The following PIP5KL1 variants were observed in gnomAD, a reference collection of about 807,000 sequenced individuals.
PIP5KL1 encodes the protein phosphatidylinositol-4-phosphate 5-kinase like 1.
A neutral mutation model predicts 47.6 loss-of-function variants in PIP5KL1; 45 were observed. The ratio of observed to expected loss-of-function variants is 0.94; its 90% CI spans 0.74 to 1.21. PIP5KL1 has a LOEUF of 1.21. Among genes scored for constraint, PIP5KL1 ranks in the 50% most tolerant of loss-of-function variants. The pLI is 0.00. For synonymous variants in PIP5KL1, 256 were observed against 234.6 expected (o/e 1.09, Z -0.84); for missense variants, 577 against 547.6 (o/e 1.05, Z -0.54).
Position 127,930,514 on chromosome 9 carries a change from A to G in PIP5KL1, c.30+209T>C, listed in dbSNP as rs78960715. ...CTTTAGCATCCTCTCCATTTTCCCA[A>G]TGAGAAAGCTGAGGAAGTGTTGAGG... is the stretch of plus-strand genomic sequence containing the variant. On this transcript the variant is annotated intron_variant, in intron 1 of 9. Coordinates refer to ENST00000388747, the MANE Select transcript of PIP5KL1 (RefSeq NM_001135219.2). Among the ~76,000 whole-genome samples the G allele has an allele frequency of 5.6e-3, 860 of 152,292 alleles. 2 individuals are homozygous for G. Among genetic ancestry groups the G allele is most frequent in the Non-Finnish European group, 9.8e-3 (665 of 68,014 alleles).
chr9:127,930,331 C>G (rs1040532276), intron 1 of PIP5KL1, among the ~76,000 whole-genome samples: 1 of 152,214 alleles, frequency 6.6e-6, no homozygotes, highest in African/African-American at 2.4e-5. Flanking sequence ...GTGATTCAGT[C>G]ACATCTATTC....
intron 1 of PIP5KL1, 133 bp downstream of exon 1, chr9:127,930,590 G>A (rs1380770101): frequency 1.7e-6 from 2 of 1,156,362 alleles, no homozygotes; most frequent in Non-Finnish European, 2.3e-6. Flanking sequence ...TGTGGGGCGT[G>A]TCCTGGTCTT....
At chr9:127,925,402 C>G (rs1442773999) in intron 8 of PIP5KL1, 142 bp from the exon 9 acceptor site, 1 of 956,544 alleles carries the variant, frequency 1.0e-6, no homozygotes, top group Non-Finnish European at 1.5e-6. Context: ...GCCTTGGTCA[C>G]TTAGCTAGGA....
Position 127,929,559 on chromosome 9 carries a change from C to T in PIP5KL1, c.228+129G>A. 9.9e-7 allele frequency: 1 copy of T among 1,014,940 alleles called. No individual in the cohort carries two copies. The highest frequency in any genetic ancestry group is 1.4e-6 in the Non-Finnish European group (1 of 709,350). 62.9% of individuals were successfully genotyped at this position (1,014,940 alleles called of 1,614,324 possible). A position where few individuals can be genotyped will look rare whatever the true frequency, so the allele number is the denominator to read the frequency against. On this transcript the variant is annotated intron_variant, in intron 2 of 9. Transcript: ENST00000388747. This position sits in a 1 kb window ranked among gnomAD's most constrained non-coding sequence, Gnocchi z 4.0. ...TTCCAGCTCCCACACCACAATGTTC[C>T]TCCCTCTCTGCCTTCCTCCCCTTGA...
intron 7 of PIP5KL1, among the ~76,000 whole-genome samples, chr9:127,926,917 C>T (rs1172123142): frequency 6.6e-6 from 1 of 152,196 alleles, no homozygotes; most frequent in Admixed American, 6.5e-5. Flanking sequence ...TAAGAGCTGC[C>T]CCTCAGCGTC....
rs1486095154 is a variant in PIP5KL1 at position 127,928,048 on chromosome 9, C to G, written c.434+17G>C. On this transcript the variant is annotated intron_variant, in intron 4 of 9. Transcript: ENST00000388747. ...GGTACCACTCCCACCCCTGCCCCAC[C>G]CCTGCCGCAAGCTCACGACAGGAAG... 1.3e-6 allele frequency: 2 copies of G among 1,536,608 alleles called. No homozygotes were observed. Among genetic ancestry groups the G allele is most frequent in the Non-Finnish European group, 1.7e-6 (2 of 1,143,664 alleles).
rs1352922356 is a variant in PIP5KL1 at position 127,922,733 on chromosome 9, AAAAGAAAAG to A, written c.918-628_918-620del. Among the ~76,000 whole-genome samples the A allele has an allele frequency of 1.9e-4, 29 of 151,692 alleles. No individual in the cohort carries two copies. In the East Asian group the frequency reaches 3.5e-3, roughly 18 times the overall value. ...AAAAGAAAAAAGAAAAAGAAAAAAG[AAAAGAAAAG>A]AAAGAAAAGAAAAAAAGGATGTAAA... On this transcript the variant is annotated intron_variant, in intron 9 of 9. Transcript: ENST00000388747.
chr9:127,927,647 C>G lies in PIP5KL1; in HGVS notation c.559+1G>C, dbSNP rs1354481901. 1 of 1,497,330 alleles carries G rather than the reference C, an allele frequency of 6.7e-7. No individual in the cohort carries two copies. Among genetic ancestry groups the G allele is most frequent in the South Asian group, 1.2e-5 (1 of 83,316 alleles). The allele number at this position is 1,497,330 out of a possible 1,614,324, so 92.8% of individuals were successfully genotyped here. A position where few individuals can be genotyped will look rare whatever the true frequency, so the allele number is the denominator to read the frequency against. On this transcript the variant is annotated splice_donor_variant, in intron 5 of 9. Transcript: ENST00000388747. LOFTEE classifies it high-confidence loss of function. The surrounding 1 kb of genome is among the most constrained non-coding windows in gnomAD (Gnocchi z 5.5). Reference sequence around the variant, plus strand: ...ACCGAGCCCCGCCCCCAGCCAAGTACCCAGCAACCGCGCCAGCAGCGAGTG... The same window carrying G: ...ACCGAGCCCCGCCCCCAGCCAAGTAGCCAGCAACCGCGCCAGCAGCGAGTG...
At chr9:127,926,591 G>A (rs1273201368) in intron 7 of PIP5KL1, among the ~76,000 whole-genome samples, 1 of 152,224 alleles carries the variant, frequency 6.6e-6, no homozygotes, top group Non-Finnish European at 1.5e-5. Flanking sequence ...TTGTTTCTGA[G>A]TTAAAGATAA....
Position 127,925,118 on chromosome 9 carries a change from G to C in PIP5KL1, c.906C>G (p.Phe302Leu). The part of the protein sequence containing the change: ...DERGPGSSLI[F>L]RTARSVQGAQ... ...TGTGGGAGGCTCACCTGGCCGTGCGGAAGATGAGGCTGCTGCCCGGGCCCC... is the reference window on the plus strand; with the variant it reads ...TGTGGGAGGCTCACCTGGCCGTGCGCAAGATGAGGCTGCTGCCCGGGCCCC... The change falls in exon 9 of 10, where the codon TTC (phenylalanine) becomes TTG (leucine). Residue 302 changes from phenylalanine (F) to leucine (L), a missense_variant. Coordinates refer to ENST00000388747, the MANE Select transcript of PIP5KL1 (RefSeq NM_001135219.2). 1.2e-6 allele frequency: 2 copies of C among 1,613,978 alleles called. No individual in the cohort carries two copies. Among genetic ancestry groups the C allele is most frequent in the Non-Finnish European group, 1.7e-6 (2 of 1,179,956 alleles).
chr9:127,927,776 G>C lies in PIP5KL1; in HGVS notation c.435-4C>G. 6.4e-7 allele frequency: 1 copy of C among 1,560,108 alleles called. No individual in the cohort carries two copies. Among genetic ancestry groups the C allele is most frequent in the Non-Finnish European group, 8.7e-7 (1 of 1,153,458 alleles). On this transcript the variant is annotated splice_region_variant and splice_polypyrimidine_tract_variant and intron_variant, in intron 4 of 9. Coordinates refer to ENST00000388747, the MANE Select transcript of PIP5KL1 (RefSeq NM_001135219.2). The surrounding 1 kb of genome is among the most constrained non-coding windows in gnomAD (Gnocchi z 5.5). ...CAGGAAGAAGCGCTGGTCGTGGCTGGGGGGCAAGAGAAAGAGGTCACTGCC... is the reference window on the plus strand; with the variant it reads ...CAGGAAGAAGCGCTGGTCGTGGCTGCGGGGCAAGAGAAAGAGGTCACTGCC...
At chr9:127,925,616 C>T (rs927683536) in intron 8 of PIP5KL1, 2 of 515,186 alleles carry the variant, frequency 3.9e-6, no homozygotes, top group African/African-American at 3.9e-5. Flanking sequence ...TAGGCGGGTA[C>T]CACCACGCCT....
chr9:127,921,439 C>T lies in PIP5KL1; in HGVS notation c.*408G>A. The T allele has an allele frequency of 5.8e-6, 1 of 171,194 alleles. No homozygotes were observed. The highest frequency in any genetic ancestry group is 1.3e-5 in the Non-Finnish European group (1 of 79,582). The allele number at this position is 171,194 out of a possible 1,614,324, so 10.6% of individuals were successfully genotyped here. On this transcript the variant is annotated 3_prime_UTR_variant, in exon 10 of 10. Transcript: ENST00000388747. ...CATCTGGATGACAAGAGGGCTGCAG[C>T]CTTCAGCCTCCCCCCTTGCCCAGAT...
In PIP5KL1 at chr9:127,929,829, CCCCCGCCGG is replaced by C; in HGVS notation, c.78_86del (p.Ser26_Gly29delinsArg). ...GCTTGTCTCGGAGGCGCCAGAGAAG[CCCCCGCCGG>C]CTGGAGGTGACTGCTCTGCATCCAG... On this transcript the variant is annotated inframe_deletion, in exon 2 of 10. Transcript: ENST00000388747. The surrounding 1 kb of genome is among the most constrained non-coding windows in gnomAD (Gnocchi z 4.0). The C allele has an allele frequency of 6.5e-7, 1 of 1,547,880 alleles. No individual in the cohort carries two copies. Among genetic ancestry groups the C allele is most frequent in the Non-Finnish European group, 8.7e-7 (1 of 1,146,804 alleles).
rs1349456928 is a variant in PIP5KL1, at chr9:127,925,721, C to A, written c.763+146G>T. ...CCTCGTAATCCACCTGTCTCGGCCT[C>A]CCAAAGTGCTGGAATTACAGGCGTG... On this transcript the variant is annotated intron_variant, in intron 8 of 9. Transcript: ENST00000388747. The A allele has an allele frequency of 5.7e-6, 4 of 700,666 alleles. No homozygotes were observed. The African/African-American group carries it at 7.0e-5, about 12-fold the overall frequency. 43.4% of individuals were successfully genotyped at this position (700,666 alleles called of 1,614,324 possible).
chr9:127,928,364 TG>T, intron 3 of PIP5KL1, 68 bp downstream of exon 3: 1 of 1,548,740 alleles, frequency 6.5e-7, no homozygotes, highest in South Asian at 1.2e-5. Context: ...ACTGCACAGA[TG>T]GGAAAACTGC....
rs1162543448 is a variant in PIP5KL1, at chr9:127,929,727, C to T, written c.189G>A (p.Leu63=). The T allele has an allele frequency of 6.3e-7, 1 of 1,585,930 alleles. No individual in the cohort carries two copies. The highest frequency in any genetic ancestry group is 1.8e-5 in the Admixed American group (1 of 56,572). ...HGMTCMMQAG[L]WAATQVSMDH... is the part of the protein sequence containing the mutation. ...CCATGGAGACCTGGGTGGCAGCCCA[C>T]AGCCCTGCCTGCATCATGCACGTCA... Residue 63 remains leucine, a synonymous_variant, in exon 2 of 10, where the codon CTG becomes CTA. Coordinates refer to ENST00000388747, the MANE Select transcript of PIP5KL1 (RefSeq NM_001135219.2). The surrounding 1 kb of genome is among the most constrained non-coding windows in gnomAD (Gnocchi z 4.0).
intron 8 of PIP5KL1, chr9:127,925,473 T>C (rs1831348896): frequency 3.5e-6 from 2 of 571,642 alleles, no homozygotes; most frequent in Admixed American, 6.8e-5. Flanking sequence ...TTTATTTTTA[T>C]TTTATTTTTT....
chr9:127,926,961 A>T (rs1410773787), intron 7 of PIP5KL1, among the ~76,000 whole-genome samples, 192 bp downstream of exon 7: 3 of 152,214 alleles, frequency 2.0e-5, no homozygotes, highest in African/African-American at 4.8e-5. Context: ...GAAGGGCCCA[A>T]CACGGCGCCT....
Sources: gnomAD v4.1 joint callset for allele counts (sites outside exome capture counted in the v4.1 genomes callset) on GRCh38, gnomAD v4.1.1 for gene constraint, Gnocchi (gnomAD v3.1) non-coding constraint, MANE v1.5 for transcripts, NCBI Gene and HGNC (gene_info 2026-07-23, HGNC 2026-07-21) for gene names.